SHC3: variants seen among roughly 807,000 people sequenced by gnomAD.
The protein encoded by SHC3 is SHC-transforming protein 3.
A neutral mutation model predicts 60.4 loss-of-function variants in SHC3; 15 were observed. The ratio of observed to expected loss-of-function variants is 0.25; its 90% CI spans 0.17 to 0.38. The LOEUF (loss-of-function observed/expected upper bound fraction) is 0.38, where lower values mean the gene tolerates loss of function less well. SHC3 is among the 10% of genes least tolerant of loss of function. SHC3 has a pLI of 1.00. For synonymous variants in SHC3, 294 were observed against 325.9 expected (o/e 0.90, Z 1.05); for missense variants, 677 against 786.1 (o/e 0.86, Z 1.66).
At chr9:89,039,003 A>C (rs1456759791) in intron 10 of SHC3, among the ~76,000 whole-genome samples, 1 of 152,260 alleles carries the variant, frequency 6.6e-6, no homozygotes, top group Non-Finnish European at 1.5e-5. Context: ...CTAACAAGAA[A>C]TACCAGCAGC....
At chr9:89,172,305 C>T (rs1826880501) in intron 1 of SHC3, among the ~76,000 whole-genome samples, 1 of 152,186 alleles carries the variant, frequency 6.6e-6, no homozygotes, top group African/African-American at 2.4e-5. Context: ...CACTGGGAGA[C>T]ATGGATTAAT....
At chr9:89,155,975 T>A (rs1276648965) in intron 1 of SHC3, among the ~76,000 whole-genome samples, 1 of 152,210 alleles carries the variant, frequency 6.6e-6, no homozygotes, top group Non-Finnish European at 1.5e-5. Context: ...CTAAAACCCA[T>A]GAATCTATAC....
At chr9:89,120,453 A>G (rs907779484) in intron 1 of SHC3, among the ~76,000 whole-genome samples, 2 of 152,214 alleles carry the variant, frequency 1.3e-5, no homozygotes, top group African/African-American at 4.8e-5. Flanking sequence ...GCCAATATAC[A>G]TCTGTAAAGA....
chr9:89,124,167 T>A (rs28394184), intron 1 of SHC3, among the ~76,000 whole-genome samples: 6 of 152,184 alleles, frequency 3.9e-5, no homozygotes, highest in African/African-American at 7.2e-5. Context: ...TTAGAATGGC[T>A]TTCATTAAAA....
chr9:89,112,689 C>A, intron 1 of SHC3, 63 bp from the exon 2 acceptor site: 1 of 1,458,430 alleles, frequency 6.9e-7, no homozygotes, highest in African/African-American at 1.5e-5. Context: ...CAACTCCTAA[C>A]TATACAAGGG....
intron 2 of SHC3, among the ~76,000 whole-genome samples, chr9:89,108,566 C>T (rs1825900090): frequency 6.6e-6 from 1 of 152,010 alleles, no homozygotes; most frequent in South Asian, 2.1e-4. Flanking sequence ...CACACATACA[C>T]ACATACACAC....
intron 6 of SHC3, among the ~76,000 whole-genome samples, chr9:89,056,240 T>C (rs770194783): frequency 3.3e-5 from 5 of 152,184 alleles, no homozygotes; most frequent in Non-Finnish European, 5.9e-5. Context: ...CTTCCATTTC[T>C]TTTCTTTTTC....
intron 2 of SHC3, among the ~76,000 whole-genome samples, chr9:89,091,539 C>T (rs983592596): frequency 6.6e-6 from 1 of 152,106 alleles, no homozygotes; most frequent in African/African-American, 2.4e-5. Flanking sequence ...AGGAGATTGT[C>T]AAGACAGGAA....
intron 2 of SHC3, among the ~76,000 whole-genome samples, chr9:89,104,899 T>A (rs1474890316): frequency 6.6e-6 from 1 of 152,162 alleles, no homozygotes; most frequent in Non-Finnish European, 1.5e-5. Flanking sequence ...TTTTACTATT[T>A]GGGGAAATTC....
intron 5 of SHC3, among the ~76,000 whole-genome samples, chr9:89,068,950 A>G (rs1007681043): frequency 2.0e-5 from 3 of 152,234 alleles, no homozygotes; most frequent in African/African-American, 7.2e-5. Context: ...GGGGCAAGCA[A>G]TTAGACAACC....
chr9:89,168,008 C>T (rs996746719), intron 1 of SHC3, among the ~76,000 whole-genome samples: 1 of 152,242 alleles, frequency 6.6e-6, no homozygotes, highest in African/African-American at 2.4e-5. Flanking sequence ...CCTGAGCCAG[C>T]TTGCGAACCA....
At chr9:89,131,810 T>C (rs1378273286) in intron 1 of SHC3, among the ~76,000 whole-genome samples, 1 of 152,152 alleles carries the variant, frequency 6.6e-6, no homozygotes, top group Admixed American at 6.5e-5. Context: ...TCATACTGAA[T>C]AGGCAAAAAC....
intron 3 of SHC3, 107 bp downstream of exon 3, chr9:89,077,733 G>A (rs1825381849): frequency 2.2e-6 from 3 of 1,350,284 alleles, no homozygotes; most frequent in African/African-American, 1.4e-5. Flanking sequence ...CAAGCGCCGG[G>A]CCACAGAAAG....
At chr9:89,154,999 A>G (rs1826601307) in intron 1 of SHC3, among the ~76,000 whole-genome samples, 1 of 152,042 alleles carries the variant, frequency 6.6e-6, no homozygotes, top group Non-Finnish European at 1.5e-5. Flanking sequence ...TTCTATTCTC[A>G]TTTTCACTCT....
rs756454672 is a variant in SHC3 at position 89,065,483 on chromosome 9, C to T, written c.835+46G>A. The T allele has an allele frequency of 5.0e-6, 8 of 1,601,408 alleles. No homozygotes were observed. In the Admixed American group the frequency reaches 1.2e-4, roughly 23 times the overall value. ...GACCAGCTTGTATAGAATGTGAAGC[C>T]TGGCTGTACACAAACAAGAGATTAA... On this transcript the variant is annotated intron_variant, in intron 6 of 11. Transcript: ENST00000375835.
At chr9:89,045,860 T>C (rs1300325397) in intron 8 of SHC3, 27 bp from the exon 9 acceptor site, 1 of 1,605,728 alleles carries the variant, frequency 6.2e-7, no homozygotes, top group Non-Finnish European at 8.5e-7. Flanking sequence ...ATACACAGAA[T>C]GAAAAAATTA....
At chr9:89,068,282 A>G (rs1184948551) in intron 5 of SHC3, among the ~76,000 whole-genome samples, 1 of 152,208 alleles carries the variant, frequency 6.6e-6, no homozygotes, top group Non-Finnish European at 1.5e-5. Flanking sequence ...GATTATAATC[A>G]CAGCATGCCG....
intron 1 of SHC3, among the ~76,000 whole-genome samples, chr9:89,142,601 A>C (rs995264266): frequency 4.0e-5 from 6 of 150,924 alleles, no homozygotes; most frequent in Non-Finnish European, 5.9e-5. Context: ...GAATCACTTG[A>C]ACCCAGGAGG....
intron 1 of SHC3, among the ~76,000 whole-genome samples, chr9:89,129,176 A>G (rs1032153542): frequency 6.6e-6 from 1 of 152,210 alleles, no homozygotes; most frequent in Non-Finnish European, 1.5e-5. Flanking sequence ...GATCAAATTA[A>G]TGAAATGAAG....
Sources: gnomAD v4.1 joint callset for allele counts (sites outside exome capture counted in the v4.1 genomes callset) on GRCh38, gnomAD v4.1.1 for gene constraint, MANE v1.5 for transcripts, NCBI Gene and HGNC (gene_info 2026-07-23, HGNC 2026-07-21) for gene names.